The following DAB1 variants were observed in gnomAD, a reference collection of about 807,000 sequenced individuals.
The protein encoded by DAB1 is disabled homolog 1.
DAB1 carries 15 observed loss-of-function variants against 64.6 expected under a neutral mutation model. That is an observed-to-expected ratio of 0.23 (90% confidence interval 0.16 to 0.36). The LOEUF is 0.36. DAB1 is among the 10% of genes least tolerant of loss of function. The probability of loss-of-function intolerance (pLI) is 1.00; values close to 1 mark genes in which losing one functional copy is unlikely to be tolerated. For missense variants in DAB1, 596 were observed against 706.7 expected, an observed-to-expected ratio of 0.84 and a Z score of 1.78; for synonymous variants, 235 against 251.9, an observed-to-expected ratio of 0.93 and a Z score of 0.64.
chr1:58,433,343 G>A (rs1261029556), intron 3 of DAB1, among the ~76,000 whole-genome samples: 7 of 152,118 alleles, frequency 4.6e-5, no homozygotes, highest in Non-Finnish European at 8.8e-5. Flanking sequence ...CTCACTGAGA[G>A]GATGACATTT....
At chr1:57,214,910 C>CAAAAAAAAAAA (rs56175448) in intron 2 of DAB1, among the ~76,000 whole-genome samples, 5 of 58,698 alleles carry the variant, frequency 8.5e-5, no homozygotes, top group Non-Finnish European at 1.2e-4. Flanking sequence ...GATTCCCTCT[C>CAAAAAAAAAAA]AAAAAAAAAA....
At chr1:57,266,506 G>A (rs1346946126) in intron 2 of DAB1, among the ~76,000 whole-genome samples, 1 of 151,854 alleles carries the variant, frequency 6.6e-6, no homozygotes, top group East Asian at 1.9e-4. Flanking sequence ...CCCCTGTGAA[G>A]CCTTCTCCAA....
At chr1:57,630,401 C>T (rs1012706396) in intron 7 of DAB1, among the ~76,000 whole-genome samples, 1 of 152,090 alleles carries the variant, frequency 6.6e-6, no homozygotes, top group Admixed American at 6.6e-5. Flanking sequence ...ACCCTCACCT[C>T]GGGAAAATTG....
chr1:58,048,715 T>C (rs1647413686), intron 5 of DAB1: 1 of 1,322,148 alleles, frequency 7.6e-7, no homozygotes, highest in Non-Finnish European at 1.1e-6. Flanking sequence ...TTCACCTCTT[T>C]GGCTGGATGA....
chr1:57,004,622 G>A (rs1295432709), intron 14 of DAB1, among the ~76,000 whole-genome samples: 1 of 152,238 alleles, frequency 6.6e-6, no homozygotes, highest in East Asian at 1.9e-4. Context: ...AGCAACTTCA[G>A]CCTCATGGTC....
At chr1:58,259,565 G>A (rs1295262758) in intron 4 of DAB1, among the ~76,000 whole-genome samples, 1 of 152,160 alleles carries the variant, frequency 6.6e-6, no homozygotes, top group Non-Finnish European at 1.5e-5. Context: ...TAGGCCATAA[G>A]TTCCTGTAGG....
At chr1:57,972,500 C>G (rs1446901442) in intron 5 of DAB1, among the ~76,000 whole-genome samples, 1 of 152,182 alleles carries the variant, frequency 6.6e-6, no homozygotes, top group African/African-American at 2.4e-5. Context: ...ACCTCAGCCT[C>G]CCCAAGTGCT....
At chr1:57,887,865 C>A (rs1285506179), upstream of DAB1, among the ~76,000 whole-genome samples, 1 of 152,106 alleles carries the variant, frequency 6.6e-6, no homozygotes, top group Non-Finnish European at 1.5e-5. Context: ...TTGTATTTAA[C>A]AAGCTGAAGT....
intron 5 of DAB1, among the ~76,000 whole-genome samples, chr1:58,000,779 C>T (rs955960168): frequency 6.6e-6 from 1 of 151,920 alleles, no homozygotes; most frequent in African/African-American, 2.4e-5. Context: ...CCATGCTGGC[C>T]AGGCTGGTCT....
chr1:57,773,467 T>A (rs1490329263), intron 6 of DAB1, among the ~76,000 whole-genome samples: 2 of 152,062 alleles, frequency 1.3e-5, no homozygotes, highest in African/African-American at 4.8e-5. Flanking sequence ...GTCTTTCATT[T>A]CCTTAACAAG....
chr1:58,411,918 C>A (rs1408074433), intron 3 of DAB1, among the ~76,000 whole-genome samples: 1 of 152,170 alleles, frequency 6.6e-6, no homozygotes, highest in African/African-American at 2.4e-5. Flanking sequence ...TTTGTAGTTT[C>A]TCATACCATT....
At chr1:57,958,304 A>G (rs1645439522) in intron 5 of DAB1, among the ~76,000 whole-genome samples, 1 of 152,166 alleles carries the variant, frequency 6.6e-6, no homozygotes, top group Non-Finnish European at 1.5e-5. Flanking sequence ...AATCATTTTA[A>G]TCTAGCTGTG....
At chr1:58,448,003 T>G (rs979665299) in intron 3 of DAB1, among the ~76,000 whole-genome samples, 1 of 152,104 alleles carries the variant, frequency 6.6e-6, no homozygotes, top group Non-Finnish European at 1.5e-5. Flanking sequence ...CATGTCCTTT[T>G]GGTCTGCCAC....
chr1:57,163,082 C>T (rs755531683), intron 2 of DAB1, among the ~76,000 whole-genome samples: 28 of 152,176 alleles, frequency 1.8e-4, no homozygotes, highest in Non-Finnish European at 3.1e-4. Context: ...ATGCCCACTA[C>T]GTGCCAAGCA....
chr1:58,019,746 G>C (rs987707899), intron 5 of DAB1, among the ~76,000 whole-genome samples: 11 of 152,132 alleles, frequency 7.2e-5, no homozygotes, highest in Non-Finnish European at 1.0e-4. Context: ...ATTCTAAGCA[G>C]AGAGCTCCCT....
rs367610908 is a variant in DAB1, at chr1:57,637,314, T to C, written n.625+12278A>G. Among the ~76,000 whole-genome samples the C allele has an allele frequency of 4.6e-5, 7 of 152,316 alleles. 1 individual carries two copies. In the South Asian group the frequency reaches 1.5e-3, roughly 32 times the overall value. ...GCATTCCCAGCTTCAGTGAGTCATA[T>C]ATTTTCAATGGAGTGTTGTCAGCGT... On this transcript the variant is annotated intron_variant and non_coding_transcript_variant, in intron 7 of 20. Coordinates refer to the DAB1 transcript ENST00000485760.
At chr1:57,170,803 G>A (rs1661675168) in intron 2 of DAB1, among the ~76,000 whole-genome samples, 2 of 152,302 alleles carry the variant, frequency 1.3e-5, no homozygotes, top group South Asian at 2.1e-4. Context: ...GAGTTTTGGA[G>A]GGGTCAGGGG....
At chr1:57,120,071 A>G (rs919131596) in intron 4 of DAB1, among the ~76,000 whole-genome samples, 3 of 152,130 alleles carry the variant, frequency 2.0e-5, no homozygotes, top group East Asian at 1.9e-4. Flanking sequence ...AATTTCAGCT[A>G]TGTGTAGAAA....
intron 1 of DAB1, among the ~76,000 whole-genome samples, chr1:57,313,473 C>G (rs1286159502): frequency 2.0e-5 from 3 of 152,160 alleles, no homozygotes; most frequent in African/African-American, 7.2e-5. Context: ...AAGTGAAAAT[C>G]TATTTGTGGG....
Sources: allele counts gnomAD v4.1 joint callset (sites outside exome capture counted in the v4.1 genomes callset), GRCh38; gene constraint gnomAD v4.1.1; transcripts MANE v1.5; gene names NCBI Gene and HGNC (gene_info 2026-07-23, HGNC 2026-07-21).